Variants in RNF185 observed in about 807,000 individuals in gnomAD.
The protein encoded by RNF185 is E3 ubiquitin-protein ligase RNF185.
In RNF185, 13 loss-of-function variants were observed where a neutral mutation model predicts 24.9. That is an observed-to-expected ratio of 0.52 (90% CI 0.34 to 0.83). The LOEUF is 0.83. RNF185 is among the 40% of genes least tolerant of loss of function. The probability of loss-of-function intolerance (pLI) is 0.01; values close to 1 mark genes in which losing one functional copy is unlikely to be tolerated. For missense variants in RNF185, 184 were observed against 244.7 expected, an observed-to-expected ratio of 0.75 and a Z score of 1.65; for synonymous variants, 79 against 90.3, an observed-to-expected ratio of 0.88 and a Z score of 0.71.
At chr22:31,183,453 T>C (rs1270558639) in intron 1 of RNF185, among the ~76,000 whole-genome samples, 1 of 152,048 alleles carries the variant, frequency 6.6e-6, no homozygotes, top group African/African-American at 2.4e-5. Context: ...GGCAGGGTCA[T>C]AGGACAATAG....
chr22:31,185,170 A>T (rs994749335), intron 1 of RNF185, among the ~76,000 whole-genome samples: 24 of 152,120 alleles, frequency 1.6e-4, no homozygotes, highest in African/African-American at 5.5e-4. Context: ...CAGCGCACGA[A>T]ACTGGTGCCA....
intron 2 of RNF185, among the ~76,000 whole-genome samples, chr22:31,189,022 A>C (rs764573671): frequency 4.9e-5 from 7 of 143,870 alleles, no homozygotes; most frequent in Non-Finnish European, 9.0e-5. Flanking sequence ...GCTGCTGGGG[A>C]GGCTGAGGCA....
chr22:31,191,357 T>G (rs2048153955), intron 2 of RNF185, among the ~76,000 whole-genome samples: 1 of 152,154 alleles, frequency 6.6e-6, no homozygotes, highest in South Asian at 2.1e-4. Context: ...TGTATTTGGT[T>G]TGTGAAGCTA....
intron 6 of RNF185, among the ~76,000 whole-genome samples, chr22:31,203,351 C>T (rs1384024972): frequency 6.6e-6 from 1 of 152,190 alleles, no homozygotes; most frequent in Admixed American, 6.5e-5. Context: ...GTCATTTTGC[C>T]TGTCTGGATC....
At chr22:31,183,779 CT>C (rs2048063971) in intron 1 of RNF185, among the ~76,000 whole-genome samples, 1 of 152,244 alleles carries the variant, frequency 6.6e-6, no homozygotes, top group Admixed American at 6.5e-5. Flanking sequence ...GCTATGTCTA[CT>C]TCTTTCTACA....
At chr22:31,165,275 G>A (rs887488211) in intron 1 of RNF185, among the ~76,000 whole-genome samples, 5 of 152,022 alleles carry the variant, frequency 3.3e-5, no homozygotes, top group African/African-American at 1.2e-4. Context: ...ACTTGTTATT[G>A]CCCACTAAAA....
chr22:31,187,041 T>G lies in RNF185; in HGVS notation c.-48-6T>G. On this transcript the variant is annotated splice_polypyrimidine_tract_variant and splice_region_variant and intron_variant, in intron 1 of 6. Coordinates refer to ENST00000326132, the MANE Select transcript of RNF185 (RefSeq NM_152267.4). The stretch of plus-strand genomic sequence containing the variant: ...AATGGACAGTCAAGAGTTCTCTGCC[T>G]TTTAGGATTTCCCTGGGGAAAGTCT... 1 of 1,559,338 alleles carries G rather than the reference T, an allele frequency of 6.4e-7. No homozygotes were observed.
chr22:31,197,375 G>A (rs998740666), intron 5 of RNF185, among the ~76,000 whole-genome samples: 1 of 152,086 alleles, frequency 6.6e-6, no homozygotes, highest in Admixed American at 6.6e-5. Flanking sequence ...TTGTGTGAGT[G>A]GGAGTCTTTT....
At chr22:31,174,514 G>A (rs923702404) in intron 1 of RNF185, among the ~76,000 whole-genome samples, 1 of 151,846 alleles carries the variant, frequency 6.6e-6, no homozygotes, top group African/African-American at 2.4e-5. Context: ...CAAGGAGCTA[G>A]AACTACAGGC....
At chr22:31,196,418 A>C (rs1320511928) in intron 4 of RNF185, among the ~76,000 whole-genome samples, 1 of 152,240 alleles carries the variant, frequency 6.6e-6, no homozygotes, top group African/African-American at 2.4e-5. Context: ...TTGTATAACT[A>C]AGCCCTCAAT....
intron 1 of RNF185, among the ~76,000 whole-genome samples, chr22:31,180,909 CTCTCTCTGTGTGTGTGTGTGTG>C (rs778879663): frequency 1.6e-5 from 2 of 128,852 alleles, no homozygotes; most frequent in East Asian, 2.2e-4. Flanking sequence ...CATTTTCTCT[CTCTCTCTGTGTGTGTGTGTGTG>C]TGTGTGTGTG....
intron 1 of RNF185, among the ~76,000 whole-genome samples, chr22:31,169,995 C>T (rs528582858): frequency 4.6e-5 from 7 of 152,182 alleles, no homozygotes; most frequent in Non-Finnish European, 7.3e-5. Flanking sequence ...AGCAGCACTT[C>T]TATGTTCATT....
chr22:31,187,409 A>T (rs1281407071), intron 2 of RNF185, 139 bp downstream of exon 2: 3 of 885,268 alleles, frequency 3.4e-6, no homozygotes, highest in Non-Finnish European at 5.3e-6. Flanking sequence ...CTGAGTTCCC[A>T]TCCCAGCTCT....
chr22:31,189,973 G>A (rs907154976), intron 2 of RNF185, among the ~76,000 whole-genome samples: 1 of 152,130 alleles, frequency 6.6e-6, no homozygotes, highest in Non-Finnish European at 1.5e-5. Context: ...AGTCTGGATG[G>A]TGCATCCCTG....
intron 6 of RNF185, among the ~76,000 whole-genome samples, chr22:31,204,072 T>C (rs1300462162): frequency 2.1e-5 from 3 of 142,492 alleles, no homozygotes; most frequent in African/African-American, 7.9e-5. Flanking sequence ...AGGCCAGGCA[T>C]GGTGGCTCAT....
intron 1 of RNF185, among the ~76,000 whole-genome samples, chr22:31,176,550 G>A (rs1389053230): frequency 1.3e-5 from 2 of 149,178 alleles, no homozygotes; most frequent in African/African-American, 5.0e-5. Flanking sequence ...GTGTAGTGGT[G>A]CGATCTCAGC....
At chr22:31,189,754 C>CA (rs78087718) in intron 2 of RNF185, among the ~76,000 whole-genome samples, 20 of 149,324 alleles carry the variant, frequency 1.3e-4, no homozygotes, top group Admixed American at 4.7e-4. Context: ...TACAGGTGCA[C>CA]CCAGCTAATT....
rs79185034 is a variant in RNF185, at chr22:31,180,911, C to G, written c.-48-6136C>G. ...TGTATTTTCTAGGCATTTTCTCTCT[C>G]TCTCTGTGTGTGTGTGTGTGTGTGT... On this transcript the variant is annotated intron_variant, in intron 1 of 6. Transcript: ENST00000326132. Among the ~76,000 whole-genome samples, 86 of 124,532 alleles carry G rather than the reference C, an allele frequency of 6.9e-4. 2 individuals are homozygous for G. Among genetic ancestry groups the G allele is most frequent in the Middle Eastern group, 3.8e-3 (1 of 264 alleles). 81.7% of individuals were successfully genotyped at this position (124,532 alleles called of 152,430 possible).
At chr22:31,161,050 C>G (rs1317497930) in intron 1 of RNF185, among the ~76,000 whole-genome samples, 1 of 152,168 alleles carries the variant, frequency 6.6e-6, no homozygotes, top group African/African-American at 2.4e-5. Context: ...GTAAAGAGAG[C>G]ACTGGAAGGG....
Sources: gnomAD v4.1 joint callset for allele counts (sites outside exome capture counted in the v4.1 genomes callset) on GRCh38, gnomAD v4.1.1 for gene constraint, MANE v1.5 for transcripts, NCBI Gene and HGNC (gene_info 2026-07-23, HGNC 2026-07-21) for gene names.